Variants in C20orf96 observed in about 807,000 individuals in gnomAD.
The protein encoded by C20orf96 is uncharacterized protein C20orf96.
In C20orf96, 57 loss-of-function variants were observed where a neutral mutation model predicts 52.6. The ratio of observed to expected loss-of-function variants is 1.08; its 90% CI spans 0.88 to 1.35. The LOEUF (loss-of-function observed/expected upper bound fraction) is 1.35. C20orf96 is among the 40% of genes most tolerant of loss of function. C20orf96 has a pLI of 0.00. For synonymous variants in C20orf96, 168 were observed against 157.2 expected (o/e 1.07, Z -0.51); for missense variants, 478 against 443.6 (o/e 1.08, Z -0.70).
At chr20:289,495 G>T in intron 3 of C20orf96, 64 bp downstream of exon 3, 1 of 1,059,142 alleles carries the variant, frequency 9.4e-7, no homozygotes, top group Non-Finnish European at 1.5e-6. Flanking sequence ...GTCACCAAGA[G>T]CCAAAAGCAG....
At chr20:271,455 C>T (rs996480889) in intron 10 of C20orf96, among the ~76,000 whole-genome samples, 188 bp from the exon 11 acceptor site, 3 of 92,420 alleles carry the variant, frequency 3.2e-5, no homozygotes, top group Non-Finnish European at 2.5e-5. Flanking sequence ...CACACACACA[C>T]ACACACACAC....
rs1395626224 is a variant in C20orf96, at chr20:290,491, A to G, written c.20+100T>C. On this transcript the variant is annotated intron_variant, in intron 1 of 10. Transcript: ENST00000360321. ...GGAGAGGACGGGGGTCAGAAGACCG[A>G]GGGCGACCTCGAGGCGAGGGCGGGA... is the stretch of plus-strand genomic sequence containing the variant. 6 of 1,455,036 alleles carry G rather than the reference A, an allele frequency of 4.1e-6. No individual in the cohort carries two copies. In the African/African-American group the frequency reaches 1.4e-4, roughly 33 times the overall value. 90.1% of individuals were successfully genotyped at this position (1,455,036 alleles called of 1,614,324 possible).
Position 271,135 on chromosome 20 carries a change from G to T in C20orf96, c.*72C>A. 7.7e-7 allele frequency: 1 copy of T among 1,295,790 alleles called. No homozygotes were observed. The highest frequency in any genetic ancestry group is 1.1e-6 in the Non-Finnish European group (1 of 915,396). 80.3% of individuals were successfully genotyped at this position (1,295,790 alleles called of 1,614,324 possible). A position where few individuals can be genotyped will look rare whatever the true frequency, so the allele number is the denominator to read the frequency against. ...AGGGTCTGAATGGAGATCCGGTCCT[G>T]GAAGTAAATGATCCAAGGCTCCAGG... On this transcript the variant is annotated 3_prime_UTR_variant, in exon 11 of 11. Transcript: ENST00000360321.
At chr20:290,188 TGA>T in intron 2 of C20orf96, 69 bp downstream of exon 2, 1 of 1,218,406 alleles carries the variant, frequency 8.2e-7, no homozygotes, top group Non-Finnish European at 1.2e-6. Context: ...GTCACGACCG[TGA>T]GAGTGGAGAG....
intron 2 of C20orf96, 151 bp from the exon 3 acceptor site, chr20:289,827 C>G: frequency 1.6e-6 from 1 of 641,782 alleles, no homozygotes. Flanking sequence ...AAACCTACTT[C>G]TGTGGATTGG....
rs1317297398 is a variant in C20orf96, at chr20:277,091, C to A, written c.778G>T (p.Asp260Tyr). Residue 260 changes from aspartate (D) to tyrosine (Y), a missense_variant, in exon 8 of 11, where the codon GAC (aspartate) becomes TAC (tyrosine). Transcript: ENST00000360321. ...TTTTTCTTCTTCTTCTGAATCTTGTCAGACAAGGATTCCAGGACCTTTCTG... is the reference window on the plus strand; with the variant it reads ...TTTTTCTTCTTCTTCTGAATCTTGTAAGACAAGGATTCCAGGACCTTTCTG... The part of the protein sequence containing the change: ...MRRKVLESLS[D>Y]KIQKKKKKIL... The A allele has an allele frequency of 1.2e-6, 2 of 1,613,924 alleles. No homozygotes were observed. Among genetic ancestry groups the A allele is most frequent in the Non-Finnish European group, 1.7e-6 (2 of 1,179,906 alleles).
At chr20:274,993 AT>A (rs2011972131) in intron 10 of C20orf96, among the ~76,000 whole-genome samples, 2 of 151,810 alleles carry the variant, frequency 1.3e-5, no homozygotes, top group Admixed American at 6.6e-5. Flanking sequence ...TAGTTTTTGT[AT>A]TTTTAGTAGA....
intron 9 of C20orf96, 112 bp downstream of exon 9, chr20:276,681 C>CA: frequency 6.6e-7 from 1 of 1,510,436 alleles, no homozygotes. Flanking sequence ...ACACCAGAGT[C>CA]AGAGACCTCC....
chr20:282,775 G>A (rs2316439), intron 4 of C20orf96, among the ~76,000 whole-genome samples: 37,659 of 151,976 alleles, frequency 0.25, 5,762 homozygotes, highest in East Asian at 0.37. Flanking sequence ...AGGAGGCTGA[G>A]GCAGGAGACT....
At chr20:290,439 G>T in intron 1 of C20orf96, 132 bp from the exon 2 acceptor site, 1 of 1,538,468 alleles carries the variant, frequency 6.5e-7, no homozygotes, top group Non-Finnish European at 8.8e-7. Context: ...CCGCGGGAGT[G>T]GGGCGGGGCC....
At chr20:274,300 T>A (rs113302956) in intron 10 of C20orf96, among the ~76,000 whole-genome samples, 1 of 151,960 alleles carries the variant, frequency 6.6e-6, no homozygotes, top group African/African-American at 2.4e-5. Flanking sequence ...TAAATTCTGC[T>A]TTTGGAAAGG....
At chr20:282,865 C>CT (rs2012287196) in intron 4 of C20orf96, among the ~76,000 whole-genome samples, 1 of 152,060 alleles carries the variant, frequency 6.6e-6, no homozygotes, top group African/African-American at 2.4e-5. Context: ...GAGTGAAACT[C>CT]TGTCTCAAAA....
intron 10 of C20orf96, among the ~76,000 whole-genome samples, chr20:273,881 A>AAAGAAGAAG (rs1491327509): frequency 3.1e-5 from 3 of 97,546 alleles, no homozygotes; most frequent in East Asian, 3.5e-4. Flanking sequence ...TGTCTCAAGA[A>AAAGAAGAAG]GAAGGAAGGA....
At chr20:284,171 GGGCCAGA>G in intron 3 of C20orf96, 90 bp from the exon 4 acceptor site, 1 of 906,164 alleles carries the variant, frequency 1.1e-6, no homozygotes. Flanking sequence ...AATGAGAGGA[GGGCCAGA>G]CCCCAGCTCC....
In C20orf96 at chr20:279,348, A is replaced by G. The variant is rs1374181069; in HGVS notation, c.307-18T>C. On this transcript the variant is annotated intron_variant, in intron 4 of 10. Transcript: ENST00000360321. ...AGCGAGGTCTGCGGGCGGAGGGAAG[A>G]GCAGAGAGGCGGCGCTGCGCCCTGC... 2.5e-6 allele frequency: 4 copies of G among 1,598,622 alleles called. No homozygotes were observed. Among genetic ancestry groups the G allele is most frequent in the Non-Finnish European group, 3.4e-6 (4 of 1,178,294 alleles).
chr20:278,635 G>A (rs2012107932), intron 5 of C20orf96, among the ~76,000 whole-genome samples: 1 of 151,726 alleles, frequency 6.6e-6, no homozygotes, highest in Non-Finnish European at 1.5e-5. Context: ...TACACGTAGA[G>A]GTGTTTGCAA....
At position 277,150 on chromosome 20, in the gene C20orf96, G is replaced by A. The variant is rs1288301926; in HGVS notation, c.724-5C>T. ...ACCGAGGTCATCCAGCTCATCCTGG[G>A]AGCCAGCAGAAGGGTGTTGGTCACC... On this transcript the variant is annotated splice_polypyrimidine_tract_variant and splice_region_variant and intron_variant, in intron 7 of 10. Coordinates refer to ENST00000360321, the MANE Select transcript of C20orf96 (RefSeq NM_153269.3). 1 of 1,613,690 alleles carries A rather than the reference G, an allele frequency of 6.2e-7. No homozygotes were observed. Among genetic ancestry groups the A allele is most frequent in the Non-Finnish European group, 8.5e-7 (1 of 1,179,816 alleles).
chr20:280,559 C>T (rs935767558), intron 4 of C20orf96, among the ~76,000 whole-genome samples: 6 of 152,162 alleles, frequency 3.9e-5, no homozygotes, highest in African/African-American at 1.4e-4. Context: ...AATGACTTGC[C>T]CAGTGTCACA....
At chr20:274,004 A>G (rs1267413592) in intron 10 of C20orf96, among the ~76,000 whole-genome samples, 2 of 147,166 alleles carry the variant, frequency 1.4e-5, no homozygotes, top group Non-Finnish European at 3.0e-5. Context: ...GAAAGAAAGA[A>G]AGAAAAAGAA....
Sources: gnomAD v4.1 joint callset for allele counts (sites outside exome capture counted in the v4.1 genomes callset) on GRCh38, gnomAD v4.1.1 for gene constraint, MANE v1.5 for transcripts, NCBI Gene and HGNC (gene_info 2026-07-23, HGNC 2026-07-21) for gene names.